The following CADPS2 variants were observed in gnomAD, a reference collection of about 807,000 sequenced individuals.
CADPS2 encodes the protein calcium-dependent secretion activator 2.
CADPS2 carries 93 observed loss-of-function variants against 172.5 expected under a neutral mutation model. That is an observed-to-expected ratio of 0.54 (90% CI 0.46 to 0.64). The LOEUF is 0.64. CADPS2 is among the 30% of genes least tolerant of loss of function. CADPS2 has a pLI of 0.00. For missense variants in CADPS2, 1,420 were observed against 1,565.9 expected (o/e 0.91, Z 1.57); for synonymous variants, 546 against 555.2 (o/e 0.98, Z 0.23).
Position 122,319,549 on chromosome 7 carries a change from T to C in CADPS2, c.*616A>G, listed in dbSNP as rs1354706466. 2.6e-5 allele frequency: 4 copies of C among 152,136 alleles called. No homozygotes were observed. The highest frequency in any genetic ancestry group is 3.9e-4 in the East Asian group (2 of 5,188). 9.4% of individuals were successfully genotyped at this position (152,136 alleles called of 1,614,324 possible). A position where few individuals can be genotyped will look rare whatever the true frequency, so the allele number is the denominator to read the frequency against. ...AGAATGGAACAAAGACACAAACCCATTGGATAATCTAGTCTATATTTGGGT... is the reference window on the plus strand; with the variant it reads ...AGAATGGAACAAAGACACAAACCCACTGGATAATCTAGTCTATATTTGGGT... On this transcript the variant is annotated 3_prime_UTR_variant, in exon 30 of 30. Coordinates refer to ENST00000449022, the MANE Select transcript of CADPS2 (RefSeq NM_017954.11).
intron 8 of CADPS2, among the ~76,000 whole-genome samples, chr7:122,546,196 G>A (rs2063599344): frequency 6.6e-6 from 1 of 152,070 alleles, no homozygotes; most frequent in African/African-American, 2.4e-5. Flanking sequence ...CATCTATCAC[G>A]CTAAAGCAAG....
chr7:122,802,957 A>T (rs1797969711), intron 1 of CADPS2, among the ~76,000 whole-genome samples: 1 of 152,176 alleles, frequency 6.6e-6, no homozygotes, highest in African/African-American at 2.4e-5. Context: ...ACCTCCACTC[A>T]TATATTTTAA....
At chr7:122,596,981 T>C in intron 6 of CADPS2, among the ~76,000 whole-genome samples, 1 of 152,038 alleles carries the variant, frequency 6.6e-6, no homozygotes, top group East Asian at 1.9e-4. Context: ...GGAGCTGGCA[T>C]GTGCAGAGAT....
At chr7:122,783,870 G>C (rs763730022) in intron 1 of CADPS2, among the ~76,000 whole-genome samples, 4 of 152,150 alleles carry the variant, frequency 2.6e-5, no homozygotes, top group Admixed American at 6.5e-5. Flanking sequence ...TAAAGGTAAG[G>C]ATTAGGATGC....
At chr7:122,635,484 G>A (rs1364438792) in intron 3 of CADPS2, among the ~76,000 whole-genome samples, 2 of 143,512 alleles carry the variant, frequency 1.4e-5, no homozygotes, top group Non-Finnish European at 3.0e-5. Flanking sequence ...CTGTGTCCAC[G>A]TGTTCTCATT....
chr7:122,395,121 G>T (rs1303741860), intron 20 of CADPS2, among the ~76,000 whole-genome samples: 1 of 152,114 alleles, frequency 6.6e-6, no homozygotes, highest in Non-Finnish European at 1.5e-5. Flanking sequence ...CATCCCAAAA[G>T]CCTAATAGTG....
At chr7:122,391,030 C>T (rs2044300394) in intron 22 of CADPS2, among the ~76,000 whole-genome samples, 1 of 151,906 alleles carries the variant, frequency 6.6e-6, no homozygotes, top group South Asian at 2.1e-4. Context: ...ATCTTCAAAA[C>T]CATGGTTGCT....
chr7:122,487,095 C>G (rs2057892087), intron 11 of CADPS2, among the ~76,000 whole-genome samples: 1 of 150,218 alleles, frequency 6.7e-6, no homozygotes, highest in Admixed American at 6.6e-5. Context: ...ACTGCAACCT[C>G]CACCCCTCGG....
At chr7:122,428,699 C>T (rs1370724869) in intron 17 of CADPS2, among the ~76,000 whole-genome samples, 2 of 151,924 alleles carry the variant, frequency 1.3e-5, no homozygotes, top group East Asian at 1.9e-4. Flanking sequence ...GAACTCCTGA[C>T]CTCAGGTGAT....
At chr7:122,822,075 C>T (rs939432649) in intron 1 of CADPS2, among the ~76,000 whole-genome samples, 1 of 151,930 alleles carries the variant, frequency 6.6e-6, no homozygotes, top group African/African-American at 2.4e-5. Flanking sequence ...CCGGTTTACA[C>T]TGTTTTTCCA....
chr7:122,537,122 A>G (rs1360634259), intron 8 of CADPS2, among the ~76,000 whole-genome samples: 2 of 151,994 alleles, frequency 1.3e-5, no homozygotes, highest in East Asian at 3.9e-4. Flanking sequence ...CCTCCATGAC[A>G]AAAGTTTACC....
chr7:122,741,141 T>C (rs1030894293), intron 1 of CADPS2, among the ~76,000 whole-genome samples: 2 of 152,188 alleles, frequency 1.3e-5, no homozygotes, highest in Admixed American at 6.5e-5. Context: ...TGGTATACTA[T>C]TCATTGCATT....
chr7:122,481,162 CTTTTTT>C (rs35352953), intron 11 of CADPS2, among the ~76,000 whole-genome samples: 3 of 107,546 alleles, frequency 2.8e-5, no homozygotes, highest in Admixed American at 1.1e-4. Context: ...TTTCTTCATT[CTTTTTT>C]TTTTTTTTTT....
At chr7:122,753,998 G>C (rs1394157841) in intron 1 of CADPS2, among the ~76,000 whole-genome samples, 2 of 152,188 alleles carry the variant, frequency 1.3e-5, no homozygotes, top group Non-Finnish European at 2.9e-5. Context: ...TTGGCTAATA[G>C]GATGTGGTGC....
At chr7:122,420,240 G>A (rs1486235459) in intron 17 of CADPS2, among the ~76,000 whole-genome samples, 1 of 152,138 alleles carries the variant, frequency 6.6e-6, no homozygotes. Flanking sequence ...TGGAATAATA[G>A]AAAGGAATCA....
In CADPS2 at chr7:122,369,135, C is replaced by T. The variant is rs1410830863; in HGVS notation, c.3388-8122G>A. Among the ~76,000 whole-genome samples, 117 of 94,958 alleles carry T rather than the reference C, an allele frequency of 1.2e-3. 8 individuals carry two copies. The South Asian group carries it at 0.054, about 43-fold the overall frequency. 62.3% of individuals were successfully genotyped at this position (94,958 alleles called of 152,430 possible). A position where few individuals can be genotyped will look rare whatever the true frequency, so the allele number is the denominator to read the frequency against. ...CTAGAAGAATTTTTGTTTCCCCCCC[C>T]CCCCCCCTTTTTTTTTTTTTGAGTC... On this transcript the variant is annotated intron_variant, in intron 25 of 29. Coordinates refer to ENST00000449022, the MANE Select transcript of CADPS2 (RefSeq NM_017954.11).
At position 122,645,355 on chromosome 7, in the gene CADPS2, A is replaced by G. The variant is rs1379390461; in HGVS notation, c.787-16027T>C. Among the ~76,000 whole-genome samples the G allele has an allele frequency of 2.9e-4, 32 of 110,278 alleles. 1 individual carries two copies. The highest frequency in any genetic ancestry group is 5.0e-4 in the South Asian group (2 of 3,998). 72.3% of individuals were successfully genotyped at this position (110,278 alleles called of 152,430 possible). A position where few individuals can be genotyped will look rare whatever the true frequency, so the allele number is the denominator to read the frequency against. On this transcript the variant is annotated intron_variant, in intron 3 of 29. Coordinates refer to ENST00000449022, the MANE Select transcript of CADPS2 (RefSeq NM_017954.11). ...TATACACACATGTACATGTGTGTGT[A>G]TACATGTACATGTATACACACATAT...
intron 1 of CADPS2, among the ~76,000 whole-genome samples, chr7:122,740,550 T>C (rs935923387): frequency 2.6e-5 from 4 of 152,144 alleles, no homozygotes; most frequent in Admixed American, 6.6e-5. Context: ...GTGTAGGCTA[T>C]GCATGTGTGG....
chr7:122,732,461 A>T (rs2091740720), intron 2 of CADPS2, among the ~76,000 whole-genome samples: 1 of 151,048 alleles, frequency 6.6e-6, no homozygotes, highest in Admixed American at 6.6e-5. Context: ...AAATAATAGC[A>T]AACAGATTTT....
Sources: gnomAD v4.1 joint callset for allele counts (sites outside exome capture counted in the v4.1 genomes callset) on GRCh38, gnomAD v4.1.1 for gene constraint, MANE v1.5 for transcripts, NCBI Gene and HGNC (gene_info 2026-07-23, HGNC 2026-07-21) for gene names.